TSPAN7: variants seen among roughly 807,000 people sequenced by gnomAD.
TSPAN7 encodes tetraspanin-7.
In TSPAN7, 1 loss-of-function variant was observed where a neutral mutation model predicts 17.6. The ratio of observed to expected loss-of-function variants is 0.06; its 90% CI spans 0.02 to 0.27. The LOEUF is 0.27. TSPAN7 is among the 10% of genes least tolerant of loss of function. The pLI is 1.00. For missense variants in TSPAN7, 112 were observed against 201.7 expected, an observed-to-expected ratio of 0.56 and a Z score of 2.69; for synonymous variants, 78 against 79.0, an observed-to-expected ratio of 0.99 and a Z score of 0.07.
intron 1 of TSPAN7, among the ~76,000 whole-genome samples, chrX:38,573,521 T>C (rs911400237): frequency 1.8e-5 from 2 of 112,160 alleles, no homozygotes; most frequent in East Asian, 5.6e-4. Context: ...CCACCATTTT[T>C]CCCTATTACT....
chrX:38,657,021 T>G (rs2069709075), intron 1 of TSPAN7, among the ~76,000 whole-genome samples: 1 of 111,980 alleles, frequency 8.9e-6, no homozygotes, highest in Non-Finnish European at 1.9e-5. Flanking sequence ...TCTGGGCCTT[T>G]TTGGGGAATT....
At chrX:38,563,648 T>C (rs191832996) in intron 1 of TSPAN7, among the ~76,000 whole-genome samples, 1 of 111,913 alleles carries the variant, frequency 8.9e-6, no homozygotes, top group East Asian at 2.8e-4. Context: ...TGAATCTAAT[T>C]ACTTAATGCC....
chrX:38,636,074 TGTTA>T (rs1243511187), intron 1 of TSPAN7, among the ~76,000 whole-genome samples: 13 of 81,803 alleles, frequency 1.6e-4, no homozygotes, highest in Non-Finnish European at 2.8e-4. Flanking sequence ...TTTTTCATTT[TGTTA>T]TTTATTTATT....
chrX:38,569,082 C>A (rs2069156797), intron 1 of TSPAN7, among the ~76,000 whole-genome samples: 1 of 111,212 alleles, frequency 9.0e-6, no homozygotes, highest in East Asian at 2.8e-4. Context: ...AGGCTTACCT[C>A]AAATTTCTGG....
At chrX:38,668,513 G>C (rs149303617) in intron 2 of TSPAN7, among the ~76,000 whole-genome samples, 2,489 of 111,639 alleles carry the variant, frequency 0.022, 56 homozygotes, top group African/African-American at 0.076. Context: ...ATGTCTTTTA[G>C]ATCAAATTTT....
chrX:38,567,642 G>T (rs2069150335), intron 1 of TSPAN7, among the ~76,000 whole-genome samples: 1 of 112,405 alleles, frequency 8.9e-6, no homozygotes, highest in African/African-American at 3.2e-5. Flanking sequence ...GTCAGGTATT[G>T]AGTAGTCAAT....
intron 1 of TSPAN7, among the ~76,000 whole-genome samples, chrX:38,585,724 A>G: frequency 9.1e-6 from 1 of 110,119 alleles, no homozygotes; most frequent in East Asian, 2.8e-4. Context: ...ATCCCTCATT[A>G]ATGGCTTGGT....
intron 1 of TSPAN7, among the ~76,000 whole-genome samples, chrX:38,633,889 T>C (rs2069564525): frequency 8.9e-6 from 1 of 112,457 alleles, no homozygotes. Context: ...TGTTCTTAGA[T>C]GATATTCACT....
chrX:38,618,883 G>A (rs993778298), intron 1 of TSPAN7, among the ~76,000 whole-genome samples: 1 of 111,290 alleles, frequency 9.0e-6, no homozygotes, highest in East Asian at 2.8e-4. Flanking sequence ...GGCACAGACT[G>A]TGGAACAAAG....
At chrX:38,626,128 G>A (rs1256144358) in intron 1 of TSPAN7, among the ~76,000 whole-genome samples, 1 of 112,117 alleles carries the variant, frequency 8.9e-6, no homozygotes, top group African/African-American at 3.2e-5. Flanking sequence ...TACTAAAGAA[G>A]TGAGAGCTGG....
intron 1 of TSPAN7, chrX:38,566,465 AT>A: frequency 2.0e-6 from 1 of 502,914 alleles, no homozygotes; most frequent in Non-Finnish European, 2.7e-6. Flanking sequence ...AATAAATGAA[AT>A]TTTATTGACT....
chrX:38,657,960 TCCCTG>T (rs2069714142), intron 1 of TSPAN7, among the ~76,000 whole-genome samples: 2 of 111,613 alleles, frequency 1.8e-5, no homozygotes, highest in South Asian at 7.6e-4. Context: ...GGCTATCTGA[TCCCTG>T]ATAAAATCCA....
At chrX:38,605,062 C>A (rs1443885040) in intron 1 of TSPAN7, among the ~76,000 whole-genome samples, 25 of 109,700 alleles carry the variant, frequency 2.3e-4, no homozygotes, top group African/African-American at 8.4e-4. Context: ...CTGGCCGGGG[C>A]AATTAGGCAG....
At chrX:38,566,479 T>C (rs2069144297) in intron 1 of TSPAN7, 1 of 408,767 alleles carries the variant, frequency 2.4e-6, no homozygotes, top group Non-Finnish European at 3.3e-6. Context: ...TATTGACTAC[T>C]CTTGGGCTCA....
chrX:38,566,513 A>G (rs1201329883), intron 1 of TSPAN7, among the ~76,000 whole-genome samples: 1 of 112,022 alleles, frequency 8.9e-6, no homozygotes, highest in Non-Finnish European at 1.9e-5. Context: ...ACTCACCTCA[A>G]TGGGAAAGTT....
At chrX:38,661,271 G>A (rs1433906642) in intron 1 of TSPAN7, among the ~76,000 whole-genome samples, 1 of 112,632 alleles carries the variant, frequency 8.9e-6, no homozygotes, top group Non-Finnish European at 1.9e-5. Flanking sequence ...ATACCCCTTG[G>A]CATATTGCCA....
intron 1 of TSPAN7, among the ~76,000 whole-genome samples, chrX:38,623,386 G>C (rs911581468): frequency 1.8e-5 from 2 of 110,219 alleles, no homozygotes; most frequent in Non-Finnish European, 3.8e-5. Flanking sequence ...AGCTCACTGT[G>C]TTCTGGGAGT....
At chrX:38,637,396 A>G (rs1569310080) in intron 1 of TSPAN7, among the ~76,000 whole-genome samples, 2 of 112,221 alleles carry the variant, frequency 1.8e-5, no homozygotes, top group Non-Finnish European at 3.8e-5. Context: ...AGTCTATTCT[A>G]AAAGAGATAT....
intron 1 of TSPAN7, among the ~76,000 whole-genome samples, chrX:38,590,916 C>T (rs2069287640): frequency 9.0e-6 from 1 of 111,272 alleles, no homozygotes; most frequent in Non-Finnish European, 1.9e-5. Context: ...TTCATGTCTT[C>T]CCTCTGCTTT....
Sources: gnomAD v4.1 joint callset for allele counts (sites outside exome capture counted in the v4.1 genomes callset) on GRCh38, gnomAD v4.1.1 for gene constraint, MANE v1.5 for transcripts, NCBI Gene and HGNC (gene_info 2026-07-23, HGNC 2026-07-21) for gene names.